UBR1: variants seen among roughly 807,000 people sequenced by gnomAD.
UBR1 encodes E3 ubiquitin-protein ligase UBR1.
A neutral mutation model predicts 242.1 loss-of-function variants in UBR1; 102 were observed. The ratio of observed to expected loss-of-function variants is 0.42; its 90% CI spans 0.36 to 0.50. The LOEUF is 0.50. Ranked by LOEUF, UBR1 falls within the 20% of genes least tolerant of loss-of-function variation. The pLI is 0.01. For synonymous variants in UBR1, 675 were observed against 684.8 expected, an observed-to-expected ratio of 0.99 and a Z score of 0.22; for missense variants, 1,772 against 2,101.8, an observed-to-expected ratio of 0.84 and a Z score of 3.07.
chr15:43,014,274 C>T (rs2032974076), intron 29 of UBR1, among the ~76,000 whole-genome samples: 1 of 152,232 alleles, frequency 6.6e-6, no homozygotes, highest in South Asian at 2.1e-4. Context: ...TCCCAAAGTG[C>T]CGAGATTGCA....
At chr15:43,060,635 T>C (rs1258914296) in intron 6 of UBR1, among the ~76,000 whole-genome samples, 1 of 152,198 alleles carries the variant, frequency 6.6e-6, no homozygotes. Context: ...CATCATTTTC[T>C]ATATGTGCCA....
At chr15:43,028,501 CT>C (rs1007282222) in intron 21 of UBR1, among the ~76,000 whole-genome samples, 12 of 151,954 alleles carry the variant, frequency 7.9e-5, no homozygotes, top group African/African-American at 2.7e-4. Context: ...AATCCCAGCA[CT>C]TTGGGAGGCC....
At chr15:43,023,150 G>T (rs1175338517) in intron 25 of UBR1, among the ~76,000 whole-genome samples, 1 of 152,082 alleles carries the variant, frequency 6.6e-6, no homozygotes, top group Non-Finnish European at 1.5e-5. Flanking sequence ...TGCAATTACA[G>T]GTATGGGCCA....
At chr15:42,988,576 C>G (rs534155451) in intron 35 of UBR1, 2 of 497,734 alleles carry the variant, frequency 4.0e-6, no homozygotes, top group South Asian at 4.3e-5. Context: ...TCCACCGTGC[C>G]CAGCTTTTTA....
intron 4 of UBR1, among the ~76,000 whole-genome samples, chr15:43,073,902 T>C (rs540672021): frequency 6.6e-6 from 1 of 152,338 alleles, no homozygotes; most frequent in African/African-American, 2.4e-5. Context: ...GATCAACATA[T>C]GTGCCCTACA....
intron 4 of UBR1, among the ~76,000 whole-genome samples, chr15:43,073,332 T>C (rs2033847394): frequency 6.6e-6 from 1 of 152,172 alleles, no homozygotes. Context: ...AGTATGTAAA[T>C]GTAAATACTG....
At chr15:43,072,257 A>T (rs2033832673) in intron 4 of UBR1, among the ~76,000 whole-genome samples, 1 of 152,210 alleles carries the variant, frequency 6.6e-6, no homozygotes. Flanking sequence ...ATGACTCTTT[A>T]TGGATTCTTT....
At chr15:42,965,684 C>G (rs2032094344) in intron 41 of UBR1, among the ~76,000 whole-genome samples, 1 of 152,088 alleles carries the variant, frequency 6.6e-6, no homozygotes. Flanking sequence ...CCTTGCTGGT[C>G]TCGAACTCCT....
intron 12 of UBR1, among the ~76,000 whole-genome samples, chr15:43,053,017 G>A (rs542929628): frequency 6.6e-6 from 1 of 152,296 alleles, no homozygotes; most frequent in South Asian, 2.1e-4. Context: ...AATCAGGTAA[G>A]ATAAGCAAAG....
chr15:42,998,140 AG>A, intron 33 of UBR1, 27 bp downstream of exon 33: 1 of 1,561,056 alleles, frequency 6.4e-7, no homozygotes, highest in Non-Finnish European at 8.8e-7. Context: ...ATCTTCACAT[AG>A]CTAATATAAA....
chr15:43,030,582 A>G (rs956837724), intron 20 of UBR1, among the ~76,000 whole-genome samples: 6 of 152,236 alleles, frequency 3.9e-5, no homozygotes, highest in Admixed American at 3.3e-4. Context: ...AAACAGTAAT[A>G]TGTATTAAAA....
chr15:43,002,810 C>T (rs941773743), intron 31 of UBR1, 106 bp from the exon 32 acceptor site: 1 of 1,381,006 alleles, frequency 7.2e-7, no homozygotes, highest in Non-Finnish European at 1.0e-6. Flanking sequence ...AATTTTTGCC[C>T]CAATAAACAT....
At chr15:43,057,212 G>A (rs1478734029) in intron 10 of UBR1, among the ~76,000 whole-genome samples, 1 of 152,142 alleles carries the variant, frequency 6.6e-6, no homozygotes, top group East Asian at 1.9e-4. Context: ...AGTTTTAGAA[G>A]AGAACATCTT....
At chr15:43,097,305 T>C (rs1411956540) in intron 1 of UBR1, among the ~76,000 whole-genome samples, 1 of 152,228 alleles carries the variant, frequency 6.6e-6, no homozygotes. Flanking sequence ...AGATGTACTG[T>C]CATCCAGGCT....
intron 30 of UBR1, among the ~76,000 whole-genome samples, chr15:43,006,053 C>G (rs1457964658): frequency 1.4e-5 from 2 of 147,140 alleles, no homozygotes; most frequent in Non-Finnish European, 3.0e-5. Context: ...TGCCAAATCC[C>G]CCTCTCGGAG....
Position 43,105,982 on chromosome 15 carries a change from A to C in UBR1, c.41T>G (p.Ile14Ser). 6.2e-7 allele frequency: 1 copy of C among 1,613,936 alleles called. No homozygotes were observed. The highest frequency in any genetic ancestry group is 8.5e-7 in the Non-Finnish European group (1 of 1,179,970). Residue 14 changes from isoleucine to serine, a missense_variant, in exon 1 of 47, where the codon ATC becomes AGC. By Grantham distance (142) the Ile-to-Ser change is moderately radical. Around this residue, in one of 3 missense-constraint regions of UBR1, gnomAD observed 734 missense variants for 893.3 expected, o/e 0.82. Transcript: ENST00000290650. ...EEAGGTERME[I>S]SAELPQTPQR... The stretch of plus-strand genomic sequence containing the variant: ...AGGGGTCTGGGGTAACTCCGCGCTG[A>C]TTTCCATCCTCTCAGTACCTCCAGC...
chr15:43,006,716 T>G (rs2032836477), intron 30 of UBR1, among the ~76,000 whole-genome samples: 1 of 152,192 alleles, frequency 6.6e-6, no homozygotes, highest in South Asian at 2.1e-4. Context: ...TCAGATAAAT[T>G]CAGAATGTGA....
chr15:43,014,533 C>T (rs1012712692), intron 29 of UBR1, among the ~76,000 whole-genome samples: 3 of 151,638 alleles, frequency 2.0e-5, no homozygotes, highest in Non-Finnish European at 4.4e-5. Context: ...TCTGCCCCAC[C>T]GCCCCGTCTG....
chr15:43,014,510 T>C (rs1213247552), intron 29 of UBR1, among the ~76,000 whole-genome samples: 4 of 150,610 alleles, frequency 2.7e-5, no homozygotes, highest in Admixed American at 2.0e-4. Flanking sequence ...TCGTCTGAGA[T>C]GTGGGGAGCG....
Sources: allele counts gnomAD v4.1 joint callset (sites outside exome capture counted in the v4.1 genomes callset), GRCh38; gene constraint gnomAD v4.1.1; regional missense constraint gnomAD v4.1.1; transcripts MANE v1.5; gene names NCBI Gene and HGNC (gene_info 2026-07-23, HGNC 2026-07-21).